Variants in NOL4 observed in about 807,000 individuals in gnomAD.
The protein encoded by NOL4 is cancer/testis antigen 125.
In NOL4, 17 loss-of-function variants were observed where a neutral mutation model predicts 75.9. That is an observed-to-expected ratio of 0.22 (90% CI 0.15 to 0.34). The LOEUF (loss-of-function observed/expected upper bound fraction) is 0.34, where lower values mean the gene tolerates loss of function less well. NOL4 is among the 10% of genes least tolerant of loss of function. The pLI, the probability that NOL4 is intolerant of heterozygous loss-of-function variation, is 1.00. For synonymous variants in NOL4, 292 were observed against 289.9 expected (o/e 1.01, Z -0.07); for missense variants, 614 against 793.5 (o/e 0.77, Z 2.72).
At chr18:34,090,583 C>A (rs552477344) in intron 5 of NOL4, among the ~76,000 whole-genome samples, 2 of 151,858 alleles carry the variant, frequency 1.3e-5, no homozygotes, top group South Asian at 4.2e-4. Context: ...TTGAAGCCTG[C>A]ACTCTGGCAT....
intron 10 of NOL4, among the ~76,000 whole-genome samples, chr18:33,870,028 A>G (rs2063620049): frequency 6.6e-6 from 1 of 152,060 alleles, no homozygotes; most frequent in South Asian, 2.1e-4. Context: ...GCAAATTAGT[A>G]TTTTATTCAA....
At chr18:34,038,554 A>G (rs1289490540) in intron 5 of NOL4, among the ~76,000 whole-genome samples, 1 of 152,134 alleles carries the variant, frequency 6.6e-6, no homozygotes, top group East Asian at 1.9e-4. Context: ...TGATTTGGCC[A>G]TAACAAAGAT....
At chr18:34,161,994 T>A (rs1291587479) in intron 1 of NOL4, among the ~76,000 whole-genome samples, 1 of 152,172 alleles carries the variant, frequency 6.6e-6, no homozygotes, top group Admixed American at 6.6e-5. Flanking sequence ...ACTTCTAAAC[T>A]ATCTGCCAAA....
At chr18:34,160,824 C>G (rs555911748) in intron 1 of NOL4, among the ~76,000 whole-genome samples, 1 of 152,102 alleles carries the variant, frequency 6.6e-6, no homozygotes, top group Non-Finnish European at 1.5e-5. Context: ...GTTCTGGGAA[C>G]AATCAAGATC....
At chr18:34,084,954 GA>G (rs941749014) in intron 5 of NOL4, among the ~76,000 whole-genome samples, 1 of 152,078 alleles carries the variant, frequency 6.6e-6, no homozygotes, top group African/African-American at 2.4e-5. Flanking sequence ...ATTAGTACAA[GA>G]AAGTTATAAA....
At chr18:33,944,219 G>A (rs984005331) in intron 8 of NOL4, among the ~76,000 whole-genome samples, 1 of 151,810 alleles carries the variant, frequency 6.6e-6, no homozygotes, top group Non-Finnish European at 1.5e-5. Context: ...TTTATTAGAA[G>A]CCTGAACTAA....
chr18:33,945,103 A>G (rs1424940026), intron 8 of NOL4, among the ~76,000 whole-genome samples: 1 of 151,924 alleles, frequency 6.6e-6, no homozygotes, highest in African/African-American at 2.4e-5. Flanking sequence ...GTGAGAGTTT[A>G]TATCTTTATA....
chr18:34,219,680 A>G (rs2037161341), intron 1 of NOL4, among the ~76,000 whole-genome samples: 1 of 152,280 alleles, frequency 6.6e-6, no homozygotes, highest in African/African-American at 2.4e-5. Context: ...AACTGTTTTA[A>G]GTCATTCATC....
At chr18:33,857,583 C>T (rs1331586938) in intron 10 of NOL4, among the ~76,000 whole-genome samples, 1 of 151,802 alleles carries the variant, frequency 6.6e-6, no homozygotes, top group Non-Finnish European at 1.5e-5. Context: ...TAATATTAGC[C>T]CTGATCTGGA....
chr18:33,958,348 AGGTCCT>A lies in NOL4; in HGVS notation c.1121_1126del (p.Glu374_Leu376delinsVal). 1 of 1,613,346 alleles carries A rather than the reference AGGTCCT, an allele frequency of 6.2e-7. No homozygotes were observed. Among genetic ancestry groups the A allele is most frequent in the Non-Finnish European group, 8.5e-7 (1 of 1,179,576 alleles). On this transcript the variant is annotated inframe_deletion, in exon 7 of 11. Coordinates refer to ENST00000261592, the MANE Select transcript of NOL4 (RefSeq NM_003787.5). ...GTCCTCATCTCCCCTGTTTAGTGAGAGGTCCTCAGCTCCTCGGTCTACACTCTCATT... is the reference window on the plus strand; with the variant it reads ...GTCCTCATCTCCCCTGTTTAGTGAGACAGCTCCTCGGTCTACACTCTCATT...
At chr18:34,165,540 C>T (rs1278210261) in intron 1 of NOL4, among the ~76,000 whole-genome samples, 2 of 152,122 alleles carry the variant, frequency 1.3e-5, no homozygotes, top group Admixed American at 6.6e-5. Context: ...TGAAGTGCTG[C>T]TTTATTTCTG....
chr18:33,907,323 CAAAA>C (rs35702916), intron 9 of NOL4, among the ~76,000 whole-genome samples: 2 of 79,694 alleles, frequency 2.5e-5, no homozygotes, highest in Admixed American at 2.9e-4. Context: ...GACTCCATTT[CAAAA>C]AAAAAAAAAA....
intron 5 of NOL4, among the ~76,000 whole-genome samples, chr18:34,066,242 G>A: frequency 6.6e-6 from 1 of 151,832 alleles, no homozygotes; most frequent in African/African-American, 2.4e-5. Flanking sequence ...AAGTTATATG[G>A]TAAAACAGTC....
chr18:34,040,368 G>T (rs2076088219), intron 5 of NOL4, among the ~76,000 whole-genome samples: 1 of 151,700 alleles, frequency 6.6e-6, no homozygotes, highest in Non-Finnish European at 1.5e-5. Context: ...GCTGATAGAA[G>T]CTATTTTGAG....
At chr18:33,893,332 A>G (rs1201546914) in intron 9 of NOL4, among the ~76,000 whole-genome samples, 2 of 152,050 alleles carry the variant, frequency 1.3e-5, no homozygotes, top group Non-Finnish European at 2.9e-5. Flanking sequence ...ACAGGTTTGT[A>G]CTCCTTTGTA....
At chr18:34,090,841 ACT>A (rs2078481177) in intron 5 of NOL4, among the ~76,000 whole-genome samples, 1 of 151,930 alleles carries the variant, frequency 6.6e-6, no homozygotes, top group African/African-American at 2.4e-5. Context: ...TAACGGGAAA[ACT>A]CTTTCAGAGT....
intron 6 of NOL4, among the ~76,000 whole-genome samples, chr18:34,019,043 T>C (rs1378974620): frequency 6.6e-6 from 1 of 152,112 alleles, no homozygotes; most frequent in Non-Finnish European, 1.5e-5. Context: ...GAGAGATTCA[T>C]ACAAATAGAT....
chr18:34,155,864 G>C (rs935597052), intron 1 of NOL4, among the ~76,000 whole-genome samples: 2 of 152,072 alleles, frequency 1.3e-5, no homozygotes, highest in African/African-American at 4.8e-5. Flanking sequence ...TTCTTGTCAT[G>C]ATTAAAAACT....
intron 1 of NOL4, among the ~76,000 whole-genome samples, chr18:34,158,031 A>G (rs1377917979): frequency 6.6e-6 from 1 of 152,194 alleles, no homozygotes; most frequent in East Asian, 1.9e-4. Flanking sequence ...AGAAATAGTT[A>G]TCTTGCATTG....
Sources: gnomAD v4.1 joint callset for allele counts (sites outside exome capture counted in the v4.1 genomes callset) on GRCh38, gnomAD v4.1.1 for gene constraint, MANE v1.5 for transcripts, NCBI Gene and HGNC (gene_info 2026-07-23, HGNC 2026-07-21) for gene names.